Variants in CSMD1 observed in about 807,000 individuals in gnomAD.
The protein encoded by CSMD1 is CUB and Sushi multiple domains 1.
CSMD1 carries 213 observed loss-of-function variants against 417.5 expected under a neutral mutation model. The ratio of observed to expected loss-of-function variants is 0.51; its 90% confidence interval spans 0.46 to 0.57. CSMD1 has a LOEUF of 0.57. Among genes scored for constraint, CSMD1 ranks in the 20% least tolerant of loss-of-function variants. CSMD1 has a pLI of 0.00. For synonymous variants in CSMD1, 2,862 were observed against 1,736.8 expected (o/e 1.65, Z -16.11); for missense variants, 6,923 against 4,529.7 (o/e 1.53, Z -15.17).
chr8:4,334,519 A>G (rs1800052146), intron 3 of CSMD1, among the ~76,000 whole-genome samples: 1 of 152,148 alleles, frequency 6.6e-6, no homozygotes, highest in Non-Finnish European at 1.5e-5. Flanking sequence ...TAAATGCATG[A>G]GCTAATTCCT....
chr8:3,582,276 G>C (rs565394876), intron 9 of CSMD1, among the ~76,000 whole-genome samples: 1 of 152,206 alleles, frequency 6.6e-6, no homozygotes, highest in African/African-American at 2.4e-5. Flanking sequence ...TTTATAAAAA[G>C]TTATAAAAGC....
intron 26 of CSMD1, among the ~76,000 whole-genome samples, chr8:3,238,006 G>A (rs192483119): frequency 3.7e-4 from 56 of 151,404 alleles, no homozygotes; most frequent in Admixed American, 1.8e-3. Flanking sequence ...TCGCGTCCGT[G>A]TGAAGAGACC....
intron 23 of CSMD1, among the ~76,000 whole-genome samples, chr8:3,323,148 G>A (rs1217098460): frequency 6.6e-6 from 1 of 152,194 alleles, no homozygotes; most frequent in East Asian, 1.9e-4. Context: ...TTATTAGTAG[G>A]TTGTATGATG....
At chr8:4,291,947 G>C (rs989025301) in intron 3 of CSMD1, among the ~76,000 whole-genome samples, 1 of 152,190 alleles carries the variant, frequency 6.6e-6, no homozygotes, top group African/African-American at 2.4e-5. Flanking sequence ...AGCAGGCAGG[G>C]AGCCTGGTGT....
intron 8 of CSMD1, among the ~76,000 whole-genome samples, chr8:3,607,702 A>C (rs1032070487): frequency 2.0e-5 from 3 of 152,188 alleles, no homozygotes; most frequent in African/African-American, 7.2e-5. Context: ...AAAGAACAAA[A>C]AATTTTACGG....
At chr8:3,281,856 C>T (rs1183796257) in intron 26 of CSMD1, among the ~76,000 whole-genome samples, 4 of 152,094 alleles carry the variant, frequency 2.6e-5, no homozygotes, top group Admixed American at 6.5e-5. Context: ...TTGATTGGAT[C>T]ATGGGGGTAG....
At chr8:4,754,212 T>C (rs1239528772) in intron 1 of CSMD1, among the ~76,000 whole-genome samples, 1 of 152,078 alleles carries the variant, frequency 6.6e-6, no homozygotes. Context: ...CTACAACTCT[T>C]AACAGTCGGG....
At chr8:3,964,940 G>A (rs1049641958) in intron 5 of CSMD1, among the ~76,000 whole-genome samples, 4 of 152,166 alleles carry the variant, frequency 2.6e-5, no homozygotes, top group Middle Eastern at 3.4e-3. Flanking sequence ...TTCATTTTGG[G>A]GGTTTATCCT....
At chr8:4,039,821 G>A (rs953745197) in intron 3 of CSMD1, among the ~76,000 whole-genome samples, 2 of 152,132 alleles carry the variant, frequency 1.3e-5, no homozygotes, top group Non-Finnish European at 2.9e-5. Context: ...CATCAGATCT[G>A]GCATCAAATA....
intron 1 of CSMD1, among the ~76,000 whole-genome samples, chr8:4,916,547 G>A (rs184426299): frequency 2.6e-4 from 39 of 152,296 alleles, no homozygotes; most frequent in African/African-American, 9.4e-4. Context: ...ATGAGAAAAT[G>A]CACGTGGCAC....
chr8:3,563,466 G>T (rs1177505655), intron 10 of CSMD1, among the ~76,000 whole-genome samples: 1 of 119,980 alleles, frequency 8.3e-6, no homozygotes. Flanking sequence ...AAAAAAAAAG[G>T]ACCACATCTA....
chr8:3,938,391 G>A (rs2129732907), intron 5 of CSMD1, among the ~76,000 whole-genome samples: 1 of 152,266 alleles, frequency 6.6e-6, no homozygotes, highest in African/African-American at 2.4e-5. Flanking sequence ...TGCAATCGGT[G>A]GTAGGCTAGT....
At chr8:4,049,231 C>G (rs978543145) in intron 3 of CSMD1, among the ~76,000 whole-genome samples, 2 of 152,022 alleles carry the variant, frequency 1.3e-5, no homozygotes, top group Admixed American at 6.6e-5. Flanking sequence ...ATGTAGACTT[C>G]TCAACCTTGA....
chr8:3,584,972 G>C (rs1468187572), intron 9 of CSMD1, among the ~76,000 whole-genome samples: 1 of 152,128 alleles, frequency 6.6e-6, no homozygotes, highest in Non-Finnish European at 1.5e-5. Flanking sequence ...AAAAGAAGGG[G>C]ACAGCCATGT....
At chr8:4,094,462 A>T (rs910417922) in intron 3 of CSMD1, among the ~76,000 whole-genome samples, 1 of 152,058 alleles carries the variant, frequency 6.6e-6, no homozygotes, top group Admixed American at 6.5e-5. Flanking sequence ...AGAGGGAGGA[A>T]TCGAAGATGA....
intron 3 of CSMD1, among the ~76,000 whole-genome samples, chr8:4,134,629 T>C (rs1803308084): frequency 6.6e-6 from 1 of 152,208 alleles, no homozygotes; most frequent in Admixed American, 6.5e-5. Flanking sequence ...TACCTGATTC[T>C]CTGATTCTAC....
chr8:4,708,985 G>C (rs925844792), intron 1 of CSMD1, among the ~76,000 whole-genome samples: 2 of 152,126 alleles, frequency 1.3e-5, no homozygotes, highest in African/African-American at 2.4e-5. Context: ...CCTCGATCTT[G>C]GGCTTCCAAC....
At chr8:4,678,308 G>A (rs551501305) in intron 1 of CSMD1, among the ~76,000 whole-genome samples, 2 of 152,036 alleles carry the variant, frequency 1.3e-5, no homozygotes, top group Non-Finnish European at 2.9e-5. Context: ...CTACTTGGGA[G>A]GGTGAGGCAT....
chr8:4,397,695 A>G (rs556532463), intron 3 of CSMD1, among the ~76,000 whole-genome samples: 1 of 152,080 alleles, frequency 6.6e-6, no homozygotes, highest in South Asian at 2.1e-4. Context: ...ATAGATATTA[A>G]TAAGATTTCA....
Sources: allele counts gnomAD v4.1 joint callset (sites outside exome capture counted in the v4.1 genomes callset), GRCh38; gene constraint gnomAD v4.1.1; transcripts MANE v1.5; gene names NCBI Gene and HGNC (gene_info 2026-07-23, HGNC 2026-07-21).